Variants in OCA2 observed in about 807,000 individuals in gnomAD.
The protein encoded by OCA2 is OCA2 melanosomal transmembrane protein, also known as P protein.
Under a neutral mutation model 100.2 loss-of-function variants are expected in OCA2, and 77 were observed. That is an observed-to-expected ratio of 0.77 (90% CI 0.64 to 0.93). The LOEUF (loss-of-function observed/expected upper bound fraction) is 0.93. Ranked by LOEUF, OCA2 falls within the 40% of genes least tolerant of loss-of-function variation. The pLI is 0.00. For synonymous variants in OCA2, 432 were observed against 439.2 expected, an observed-to-expected ratio of 0.98 and a Z score of 0.21; for missense variants, 1,062 against 1,089.1, an observed-to-expected ratio of 0.98 and a Z score of 0.35.
the OCA2 span, among the ~76,000 whole-genome samples, chr15:27,726,536 G>A: frequency 1.3e-5 from 2 of 152,122 alleles, no homozygotes; most frequent in Non-Finnish European, 2.9e-5. Context: ...ACATGGGCCT[G>A]GAGATAGAGA....
chr15:27,731,055 CA>C, the OCA2 span, among the ~76,000 whole-genome samples: 1 of 151,986 alleles, frequency 6.6e-6, no homozygotes, highest in Non-Finnish European at 1.5e-5. Flanking sequence ...AATGTAGCCA[CA>C]TAGTAAGCAG....
At chr15:27,835,012 G>A (rs575137634) in intron 23 of OCA2, among the ~76,000 whole-genome samples, 2 of 152,264 alleles carry the variant, frequency 1.3e-5, no homozygotes, top group Admixed American at 6.5e-5. Context: ...TGGGCCTTCC[G>A]GACGTAATGG....
intron 1 of OCA2, among the ~76,000 whole-genome samples, chr15:28,086,220 AGAG>A (rs1398674129): frequency 6.6e-6 from 1 of 152,236 alleles, no homozygotes; most frequent in African/African-American, 2.4e-5. Context: ...ACAGGGTGTC[AGAG>A]GAGGCCAAAT....
At chr15:28,058,319 C>T (rs919225424) in intron 2 of OCA2, among the ~76,000 whole-genome samples, 13 of 152,364 alleles carry the variant, frequency 8.5e-5, no homozygotes, top group South Asian at 2.1e-4. Context: ...TTGCCTCTAC[C>T]GCCTCTTCCG....
At chr15:27,988,928 T>C (rs1225869575) in intron 11 of OCA2, among the ~76,000 whole-genome samples, 1 of 152,132 alleles carries the variant, frequency 6.6e-6, no homozygotes, top group Non-Finnish European at 1.5e-5. Context: ...GGACGAAATG[T>C]TGGCAAGGAA....
intron 23 of OCA2, among the ~76,000 whole-genome samples, chr15:27,805,352 G>A (rs1161098186): frequency 6.6e-6 from 1 of 152,262 alleles, no homozygotes; most frequent in African/African-American, 2.4e-5. Flanking sequence ...AACCGCGAAG[G>A]AGGCCTGGGC....
chr15:27,993,639 G>C (rs1252400611), intron 9 of OCA2, among the ~76,000 whole-genome samples: 1 of 152,138 alleles, frequency 6.6e-6, no homozygotes. Flanking sequence ...CCCTCGCTAA[G>C]TTTGCTCCGC....
intron 9 of OCA2, among the ~76,000 whole-genome samples, chr15:28,009,727 CAA>C (rs1491585079): frequency 4.0e-5 from 6 of 148,214 alleles, no homozygotes; most frequent in African/African-American, 7.6e-5. Context: ...CACACACACA[CAA>C]AGTCAACAAA....
intron 2 of OCA2, among the ~76,000 whole-genome samples, chr15:28,066,791 T>A (rs1183009093): frequency 6.6e-6 from 1 of 152,152 alleles, no homozygotes; most frequent in Admixed American, 6.5e-5. Context: ...CATCTAAAGG[T>A]GGCCACCTAT....
intron 2 of OCA2, among the ~76,000 whole-genome samples, chr15:28,048,680 C>T (rs985573905): frequency 1.1e-4 from 17 of 151,994 alleles, no homozygotes; most frequent in African/African-American, 4.1e-4. Context: ...ATAAATTGAG[C>T]TTCATCAAAA....
At chr15:27,939,892 G>A (rs2594935) in intron 18 of OCA2, among the ~76,000 whole-genome samples, 75,168 of 152,088 alleles carry the variant, frequency 0.49, 22,837 homozygotes, top group African/African-American at 0.8. Context: ...AGCAAGTAAC[G>A]TTTACTCCTC....
intron 9 of OCA2, among the ~76,000 whole-genome samples, chr15:28,007,028 C>T (rs2042109556): frequency 6.6e-6 from 1 of 152,188 alleles, no homozygotes; most frequent in South Asian, 2.1e-4. Flanking sequence ...ACACGAACTC[C>T]TAAATTAAAT....
intron 2 of OCA2, among the ~76,000 whole-genome samples, chr15:28,046,397 C>A (rs1259273714): frequency 6.6e-6 from 1 of 152,120 alleles, no homozygotes; most frequent in Non-Finnish European, 1.5e-5. Context: ...GTTGTCAGAA[C>A]CCAGCAGAAA....
chr15:27,933,538 G>A (rs571041486), intron 18 of OCA2, among the ~76,000 whole-genome samples: 2 of 152,354 alleles, frequency 1.3e-5, no homozygotes, highest in East Asian at 3.9e-4. Flanking sequence ...TCACCTGGGT[G>A]CAGGCGAGCT....
chr15:27,892,091 A>G lies in OCA2; in HGVS notation c.2080-20169T>C, dbSNP rs577380289. On this transcript the variant is annotated intron_variant, in intron 19 of 23. Coordinates refer to ENST00000354638, the MANE Select transcript of OCA2 (RefSeq NM_000275.3). ...TGAAGTGAAAAACTGCTAGAGCTGA[A>G]AGAAAAAACAAATTCATGTTTATAA... Among the ~76,000 whole-genome samples the G allele has an allele frequency of 2.0e-5, 3 of 152,316 alleles. No homozygotes were observed. In the South Asian group the frequency reaches 6.2e-4, roughly 32 times the overall value.
chr15:28,055,873 G>A (rs562371122), intron 2 of OCA2, among the ~76,000 whole-genome samples: 1 of 152,350 alleles, frequency 6.6e-6, no homozygotes, highest in Non-Finnish European at 1.5e-5. Flanking sequence ...CAGATGCAGA[G>A]CATGGATTGC....
chr15:27,943,398 G>A (rs1303462808), intron 18 of OCA2, among the ~76,000 whole-genome samples: 1 of 152,064 alleles, frequency 6.6e-6, no homozygotes, highest in Non-Finnish European at 1.5e-5. Context: ...AGAAATCAAA[G>A]TATTTTACCC....
intron 18 of OCA2, among the ~76,000 whole-genome samples, chr15:27,933,276 T>C (rs2039323268): frequency 6.8e-6 from 1 of 146,650 alleles, no homozygotes; most frequent in African/African-American, 2.5e-5. Flanking sequence ...CAGTGATTTC[T>C]AGGCTATGAC....
At chr15:27,950,815 A>C (rs932640279) in intron 18 of OCA2, among the ~76,000 whole-genome samples, 7 of 152,332 alleles carry the variant, frequency 4.6e-5, no homozygotes, top group Non-Finnish European at 8.8e-5. Context: ...TCTATTTTAC[A>C]AAATTAAGAG....
Sources: gnomAD v4.1 joint callset for allele counts (sites outside exome capture counted in the v4.1 genomes callset) on GRCh38, gnomAD v4.1.1 for gene constraint, MANE v1.5 for transcripts, NCBI Gene and HGNC (gene_info 2026-07-23, HGNC 2026-07-21) for gene names.